PAWR: variants seen among roughly 807,000 people sequenced by gnomAD.
The protein encoded by PAWR is PRKC apoptosis WT1 regulator protein.
A neutral mutation model predicts 32.0 loss-of-function variants in PAWR; 23 were observed. That is an observed-to-expected ratio of 0.72 (90% CI 0.52 to 1.02). PAWR has a LOEUF of 1.02. Among genes scored for constraint, PAWR ranks in the 50% least tolerant of loss-of-function variants. PAWR has a pLI of 0.00. For missense variants in PAWR, 457 were observed against 437.7 expected, an observed-to-expected ratio of 1.04 and a Z score of -0.39; for synonymous variants, 226 against 187.1, an observed-to-expected ratio of 1.21 and a Z score of -1.70.
At chr12:79,647,892 CAG>C (rs371509604) in intron 2 of PAWR, among the ~76,000 whole-genome samples, 21 of 152,308 alleles carry the variant, frequency 1.4e-4, no homozygotes, top group African/African-American at 5.1e-4. Flanking sequence ...GAACACAAGA[CAG>C]GGGCAGGGGG....
At chr12:79,666,565 T>C (rs1334817120) in intron 2 of PAWR, among the ~76,000 whole-genome samples, 1 of 152,220 alleles carries the variant, frequency 6.6e-6, no homozygotes, top group East Asian at 1.9e-4. Flanking sequence ...AACGGTTACA[T>C]GATATGTAAT....
chr12:79,613,607 C>T lies in PAWR; in HGVS notation c.651G>A (p.Glu217=), dbSNP rs921311420. The change falls in exon 4 of 7, where the codon GAG becomes GAA. Residue 217 remains glutamate, a splice_region_variant and synonymous_variant. Coordinates refer to ENST00000328827, the MANE Select transcript of PAWR (RefSeq NM_002583.4). ...LDPGSSYLLQ[E]PPRTVSGRYK... ...ATCTGCCTGAAACTGTTCTAGGTGGCTCCTGCAAAGTAAAAATAATTATGT... is the reference window on the plus strand; with the variant it reads ...ATCTGCCTGAAACTGTTCTAGGTGGTTCCTGCAAAGTAAAAATAATTATGT... 6.5e-6 allele frequency: 10 copies of T among 1,533,656 alleles called. No individual in the cohort carries two copies. Among genetic ancestry groups the T allele is most frequent in the Admixed American group, 3.4e-5 (2 of 58,786 alleles).
chr12:79,632,361 A>ATATT (rs1566011212), intron 2 of PAWR, among the ~76,000 whole-genome samples: 218 of 20,494 alleles, frequency 0.011, 8 homozygotes, highest in Middle Eastern at 0.038. Flanking sequence ...ATATATATAT[A>ATATT]TTTTTTTTTT....
At chr12:79,683,447 A>G (rs900193992) in intron 2 of PAWR, among the ~76,000 whole-genome samples, 5 of 152,128 alleles carry the variant, frequency 3.3e-5, no homozygotes, top group African/African-American at 1.2e-4. Flanking sequence ...TAAAATGCAG[A>G]CTCTCAGATA....
chr12:79,678,507 G>C (rs1878280404), intron 2 of PAWR, among the ~76,000 whole-genome samples: 1 of 152,234 alleles, frequency 6.6e-6, no homozygotes, highest in Non-Finnish European at 1.5e-5. Flanking sequence ...TGGAGTCAAA[G>C]CCAAGTTCTG....
rs1873448159 is a variant in PAWR, at chr12:79,588,387, C to T, written c.*4220G>A. ...ATTCATTTCATCACTGCTATAAATT[C>T]CTTAAAAGTGTTCTTTTCCTAATTA... On this transcript the variant is annotated 3_prime_UTR_variant, in exon 7 of 7. Transcript: ENST00000328827. The T allele has an allele frequency of 6.6e-6, 1 of 151,904 alleles. No homozygotes were observed. Among genetic ancestry groups the T allele is most frequent in the Admixed American group, 6.6e-5 (1 of 15,258 alleles). 9.4% of individuals were successfully genotyped at this position (151,904 alleles called of 1,614,324 possible). A position where few individuals can be genotyped will look rare whatever the true frequency, so the allele number is the denominator to read the frequency against.
intron 5 of PAWR, among the ~76,000 whole-genome samples, chr12:79,594,875 C>G (rs1873690258): frequency 6.6e-6 from 1 of 152,090 alleles, no homozygotes; most frequent in Non-Finnish European, 1.5e-5. Flanking sequence ...TGCCACCATG[C>G]CTGGGTAATT....
intron 2 of PAWR, among the ~76,000 whole-genome samples, chr12:79,629,055 G>A (rs778850609): frequency 6.6e-6 from 1 of 151,842 alleles, no homozygotes; most frequent in African/African-American, 2.4e-5. Context: ...AAAATTGAAT[G>A]ATTAAACAAT....
intron 2 of PAWR, among the ~76,000 whole-genome samples, chr12:79,667,310 C>T (rs553032211): frequency 3.0e-4 from 45 of 152,178 alleles, no homozygotes; most frequent in African/African-American, 1.1e-3. Context: ...GATGGAAGTA[C>T]AAAATACCAC....
chr12:79,606,530 A>T (rs1047072653), intron 4 of PAWR, among the ~76,000 whole-genome samples: 2 of 152,222 alleles, frequency 1.3e-5, no homozygotes, highest in African/African-American at 4.8e-5. Flanking sequence ...CTGACATTGT[A>T]CTACAGCTAA....
chr12:79,616,252 C>T (rs998771838), intron 3 of PAWR, among the ~76,000 whole-genome samples: 3 of 151,804 alleles, frequency 2.0e-5, no homozygotes, highest in Non-Finnish European at 4.4e-5. Context: ...AAACATCACA[C>T]ATCATTTCTC....
intron 3 of PAWR, among the ~76,000 whole-genome samples, chr12:79,614,835 C>CCTCTT (rs1874648651): frequency 1.3e-5 from 2 of 152,136 alleles, no homozygotes; most frequent in African/African-American, 4.8e-5. Context: ...ACCAGTACAG[C>CCTCTT]AAACCATATG....
In PAWR at chr12:79,586,477, G is replaced by A. The variant is rs1032523760; in HGVS notation, c.*6130C>T. 1 of 152,254 alleles carries A rather than the reference G, an allele frequency of 6.6e-6. No individual in the cohort carries two copies. The highest frequency in any genetic ancestry group is 6.5e-5 in the Admixed American group (1 of 15,268). 9.4% of individuals were successfully genotyped at this position (152,254 alleles called of 1,614,324 possible). A position where few individuals can be genotyped will look rare whatever the true frequency, so the allele number is the denominator to read the frequency against. Reference sequence around the variant, plus strand: ...CACAGCAAATAGTTCACATTTTAAAGGAATGCAGATATTTGGATAGAAGCC... The same window carrying A: ...CACAGCAAATAGTTCACATTTTAAAAGAATGCAGATATTTGGATAGAAGCC... On this transcript the variant is annotated 3_prime_UTR_variant, in exon 7 of 7. Transcript: ENST00000328827.
In PAWR at chr12:79,659,255, C is replaced by T. The variant is rs183039333; in HGVS notation, c.516+30474G>A. Among the ~76,000 whole-genome samples, 789 of 151,706 alleles carry T rather than the reference C, an allele frequency of 5.2e-3. 8 individuals carry two copies. The highest frequency in any genetic ancestry group is 0.015 in the African/African-American group (615 of 41,350). ...GTTGCAGTGAGCCAAGATGGCGCCA[C>T]TGCACTCCAGCCTGGGCGACAGAGT... On this transcript the variant is annotated intron_variant, in intron 2 of 6. Transcript: ENST00000328827.
intron 2 of PAWR, among the ~76,000 whole-genome samples, chr12:79,640,881 A>G (rs1442880423): frequency 6.6e-6 from 1 of 152,236 alleles, no homozygotes; most frequent in Non-Finnish European, 1.5e-5. Context: ...TTTGATGCGT[A>G]AGGATCTTGG....
chr12:79,633,997 T>A (rs1406145107), intron 2 of PAWR, among the ~76,000 whole-genome samples: 1 of 151,872 alleles, frequency 6.6e-6, no homozygotes, highest in Non-Finnish European at 1.5e-5. Context: ...TGGCCATGAG[T>A]TGAAAATTAT....
At chr12:79,649,709 T>C (rs1565690078) in intron 2 of PAWR, among the ~76,000 whole-genome samples, 1 of 152,128 alleles carries the variant, frequency 6.6e-6, no homozygotes, top group African/African-American at 2.4e-5. Context: ...GAGGATGGTT[T>C]GAGCCCAGGA....
rs139396736 is a variant in PAWR, at chr12:79,662,523, A to G, written c.516+27206T>C. Among the ~76,000 whole-genome samples, 626 of 152,308 alleles carry G rather than the reference A, an allele frequency of 4.1e-3. 12 individuals carry two copies. The highest frequency in any genetic ancestry group is 0.014 in the African/African-American group (594 of 41,568). On this transcript the variant is annotated intron_variant, in intron 2 of 6. Transcript: ENST00000328827. ...GATATCCTGCAATTATTAATCTCTT[A>G]CTTCCATTCACATTCTAGTTCTAGA...
intron 3 of PAWR, among the ~76,000 whole-genome samples, chr12:79,616,186 ATGTC>A (rs1414037842): frequency 2.6e-5 from 4 of 152,098 alleles, no homozygotes; most frequent in Non-Finnish European, 5.9e-5. Flanking sequence ...AAGGCGTATG[ATGTC>A]TGACTACACA....
Sources: gnomAD v4.1 joint callset for allele counts (sites outside exome capture counted in the v4.1 genomes callset) on GRCh38, gnomAD v4.1.1 for gene constraint, MANE v1.5 for transcripts, NCBI Gene and HGNC (gene_info 2026-07-23, HGNC 2026-07-21) for gene names.